ZDHHC14: variants seen among roughly 807,000 people sequenced by gnomAD.
The protein encoded by ZDHHC14 is zDHHC palmitoyltransferase 14.
A neutral mutation model predicts 47.7 loss-of-function variants in ZDHHC14; 16 were observed. That is an observed-to-expected ratio of 0.34 (90% CI 0.23 to 0.51). The LOEUF is 0.51. Ranked by LOEUF, ZDHHC14 falls within the 20% of genes least tolerant of loss-of-function variation. The probability of loss-of-function intolerance (pLI) is 0.97; values close to 1 mark genes in which losing one functional copy is unlikely to be tolerated. For synonymous variants in ZDHHC14, 293 were observed against 278.9 expected (o/e 1.05, Z -0.50); for missense variants, 515 against 662.5 (o/e 0.78, Z 2.44).
In ZDHHC14 at chr6:157,381,610, G is replaced by A. The variant is rs1413408286; in HGVS notation, c.-412G>A. ...GGCCGCCGCCTCGTGTCCCCTCGGG[G>A]CGCAGTGCTCGGGGGTCGGCGGGCC... On this transcript the variant is annotated 5_prime_UTR_variant, in exon 1 of 9. Coordinates refer to ENST00000359775, the MANE Select transcript of ZDHHC14 (RefSeq NM_024630.3). The A allele has an allele frequency of 2.6e-6, 1 of 377,748 alleles. No individual in the cohort carries two copies. Among genetic ancestry groups the A allele is most frequent in the Non-Finnish European group, 5.3e-6 (1 of 188,174 alleles). The allele number at this position is 377,748 out of a possible 1,614,324, so 23.4% of individuals were successfully genotyped here.
Position 157,636,640 on chromosome 6 carries a change from A to C in ZDHHC14, c.752+3758A>C, listed in dbSNP as rs567852917. Among the ~76,000 whole-genome samples the C allele has an allele frequency of 7.7e-4, 117 of 152,230 alleles. 3 individuals are homozygous for C. The South Asian group carries it at 0.019, about 25-fold the overall frequency. On this transcript the variant is annotated intron_variant, in intron 5 of 8. Transcript: ENST00000359775. The stretch of plus-strand genomic sequence containing the variant: ...ATATCCCAGGGCAGCCAAGAAAAAG[A>C]CCCTAACAAAACCCCATTCCCCCTG...
rs1403188111 is a variant in ZDHHC14 at position 157,522,781 on chromosome 6, CT to C, written c.246-19803del. Among the ~76,000 whole-genome samples, 3 of 51,370 alleles carry C rather than the reference CT, an allele frequency of 5.8e-5. 1 individual carries two copies. The highest frequency in any genetic ancestry group is 2.4e-4 in the African/African-American group (2 of 8,300). The allele number at this position is 51,370 out of a possible 152,430, so 33.7% of individuals were successfully genotyped here. ...CCTCCCTCCCTTCTTTCCTCCATCTCTCTTTCCATTCCTCCCTCCCTCCCTC... is the reference window on the plus strand; with the variant it reads ...CCTCCCTCCCTTCTTTCCTCCATCTCCTTTCCATTCCTCCCTCCCTCCCTC... On this transcript the variant is annotated intron_variant, in intron 1 of 8. Coordinates refer to ENST00000359775, the MANE Select transcript of ZDHHC14 (RefSeq NM_024630.3).
At chr6:157,466,345 C>G (rs1779215999) in intron 1 of ZDHHC14, among the ~76,000 whole-genome samples, 1 of 152,208 alleles carries the variant, frequency 6.6e-6, no homozygotes, top group African/African-American at 2.4e-5. Context: ...TAGCACCCTC[C>G]CATTGACAGG....
chr6:157,457,580 A>G (rs980113724), intron 1 of ZDHHC14, among the ~76,000 whole-genome samples: 1 of 152,254 alleles, frequency 6.6e-6, no homozygotes, highest in African/African-American at 2.4e-5. Context: ...TCATTTAAGT[A>G]TTATACCACT....
At chr6:157,458,596 C>T (rs987622258) in intron 1 of ZDHHC14, among the ~76,000 whole-genome samples, 1 of 151,966 alleles carries the variant, frequency 6.6e-6, no homozygotes, top group African/African-American at 2.4e-5. Flanking sequence ...TTCTCAGTGT[C>T]GGGGGCTTGG....
intron 2 of ZDHHC14, among the ~76,000 whole-genome samples, chr6:157,574,762 G>A (rs1783240426): frequency 6.6e-6 from 1 of 152,082 alleles, no homozygotes; most frequent in South Asian, 2.1e-4. Context: ...AGCTAACATC[G>A]TCTCAAGCTT....
At chr6:157,439,847 A>G (rs1778527635) in intron 1 of ZDHHC14, among the ~76,000 whole-genome samples, 1 of 152,192 alleles carries the variant, frequency 6.6e-6, no homozygotes, top group Non-Finnish European at 1.5e-5. Context: ...AGACAAGATC[A>G]TGTCCTTTGC....
At chr6:157,382,374 T>A in intron 1 of ZDHHC14, 108 bp downstream of exon 1, 1 of 1,304,518 alleles carries the variant, frequency 7.7e-7, no homozygotes. Flanking sequence ...TACTGTAAAT[T>A]GTTATATAAT....
At chr6:157,666,204 T>C (rs935331711) in intron 8 of ZDHHC14, among the ~76,000 whole-genome samples, 7 of 152,230 alleles carry the variant, frequency 4.6e-5, no homozygotes, top group Non-Finnish European at 7.3e-5. Flanking sequence ...ACAAAGGTCC[T>C]TTGGGATCGC....
intron 2 of ZDHHC14, among the ~76,000 whole-genome samples, chr6:157,545,666 C>T (rs1781942740): frequency 6.6e-6 from 1 of 150,776 alleles, no homozygotes; most frequent in African/African-American, 2.4e-5. Flanking sequence ...AGGGGAGACT[C>T]CCCCTAAAAA....
At chr6:157,653,290 GC>G (rs1000871764) in intron 7 of ZDHHC14, among the ~76,000 whole-genome samples, 15 of 152,268 alleles carry the variant, frequency 9.9e-5, no homozygotes, top group Non-Finnish European at 1.8e-4. Context: ...ATCTGAGCAG[GC>G]GACACGCCCT....
chr6:157,661,905 C>T (rs1778357923), intron 8 of ZDHHC14, among the ~76,000 whole-genome samples: 1 of 151,792 alleles, frequency 6.6e-6, no homozygotes, highest in African/African-American at 2.4e-5. Flanking sequence ...CTCACTGCCA[C>T]ATCTGCCTCC....
chr6:157,574,474 G>T (rs778461465), intron 2 of ZDHHC14, among the ~76,000 whole-genome samples: 1 of 152,038 alleles, frequency 6.6e-6, no homozygotes, highest in African/African-American at 2.4e-5. Flanking sequence ...CTCCAGCCTA[G>T]GCCCTTCCTC....
chr6:157,397,708 G>A (rs1777550446), intron 1 of ZDHHC14, among the ~76,000 whole-genome samples: 1 of 152,120 alleles, frequency 6.6e-6, no homozygotes, highest in Non-Finnish European at 1.5e-5. Context: ...GGATGTTTTT[G>A]GGGGAACGTT....
chr6:157,607,824 A>G lies in ZDHHC14; in HGVS notation c.565+14678A>G, dbSNP rs956800006. 2.0e-5 allele frequency among the ~76,000 whole-genome samples: 3 copies of G among 152,296 alleles called. 1 individual carries two copies. The East Asian group carries it at 5.8e-4, about 29-fold the overall frequency. On this transcript the variant is annotated intron_variant, in intron 3 of 8. Coordinates refer to ENST00000359775, the MANE Select transcript of ZDHHC14 (RefSeq NM_024630.3). The stretch of plus-strand genomic sequence containing the variant: ...GTTCACAAGAGAGAATAGAATATTG[A>G]CAGTGCCGTCTTAAATTTGAAGCAG...
At chr6:157,604,661 A>T (rs967511449) in intron 3 of ZDHHC14, among the ~76,000 whole-genome samples, 4 of 151,938 alleles carry the variant, frequency 2.6e-5, no homozygotes, top group African/African-American at 9.7e-5. Context: ...CTCCTGCCTC[A>T]GCCTCCAAAG....
At chr6:157,389,541 G>A (rs373402128) in intron 1 of ZDHHC14, among the ~76,000 whole-genome samples, 6 of 152,122 alleles carry the variant, frequency 3.9e-5, no homozygotes, top group South Asian at 4.1e-4. Flanking sequence ...TAACTAATGT[G>A]TATTTTGTTT....
chr6:157,396,131 T>G (rs1030828783), intron 1 of ZDHHC14, among the ~76,000 whole-genome samples: 1 of 152,066 alleles, frequency 6.6e-6, no homozygotes, highest in Non-Finnish European at 1.5e-5. Context: ...GACACTGTCA[T>G]GTACCAGGAT....
chr6:157,598,011 C>T (rs976130547), intron 3 of ZDHHC14, among the ~76,000 whole-genome samples: 3 of 152,228 alleles, frequency 2.0e-5, no homozygotes, highest in Non-Finnish European at 2.9e-5. Flanking sequence ...CTCCCGGGCA[C>T]TTGACTGCAT....
Sources: allele counts gnomAD v4.1 joint callset (sites outside exome capture counted in the v4.1 genomes callset), GRCh38; gene constraint gnomAD v4.1.1; transcripts MANE v1.5; gene names NCBI Gene and HGNC (gene_info 2026-07-23, HGNC 2026-07-21).